NME7: variants seen among roughly 807,000 people sequenced by gnomAD.
NME7 encodes the protein nucleoside diphosphate kinase 7.
In NME7, 41 loss-of-function variants were observed where a neutral mutation model predicts 49.1. The ratio of observed to expected loss-of-function variants is 0.83; its 90% confidence interval spans 0.65 to 1.08. NME7 has a LOEUF of 1.08. Ranked by LOEUF, NME7 falls within the 50% of genes least tolerant of loss-of-function variation. The pLI, the probability that NME7 is intolerant of heterozygous loss-of-function variation, is 0.00. For synonymous variants in NME7, 139 were observed against 150.6 expected (o/e 0.92, Z 0.56); for missense variants, 423 against 463.4 (o/e 0.91, Z 0.80).
intron 11 of NME7, among the ~76,000 whole-genome samples, chr1:169,166,954 A>C (rs1659431514): frequency 6.6e-6 from 1 of 152,240 alleles, no homozygotes; most frequent in African/African-American, 2.4e-5. Flanking sequence ...CCTGGGCGAC[A>C]GAGTGAGACT....
chr1:169,138,140 G>A (rs775819920), intron 11 of NME7, among the ~76,000 whole-genome samples: 3 of 151,766 alleles, frequency 2.0e-5, no homozygotes, highest in East Asian at 3.9e-4. Flanking sequence ...GCGAAACCTC[G>A]TTTCTACTAA....
chr1:169,271,247 T>C (rs1649481723), intron 7 of NME7, among the ~76,000 whole-genome samples: 1 of 133,328 alleles, frequency 7.5e-6, no homozygotes, highest in Non-Finnish European at 1.8e-5. Flanking sequence ...TGACTACTAC[T>C]TGTGCCAAGA....
At position 169,254,814 on chromosome 1, in the gene NME7, G is replaced by A. The variant is rs1318355161; in HGVS notation, c.755-17127C>T. On this transcript the variant is annotated intron_variant, in intron 7 of 11. Transcript: ENST00000367811. Reference sequence around the variant, plus strand: ...ACATCTTTATTTCTGCCTTCATTTCGCTATGTACCCAGTAGTCATTCAGGA... The same window carrying A: ...ACATCTTTATTTCTGCCTTCATTTCACTATGTACCCAGTAGTCATTCAGGA... 1.5e-5 allele frequency among the ~76,000 whole-genome samples: 2 copies of A among 133,236 alleles called. 1 individual carries two copies. The highest frequency in any genetic ancestry group is 5.2e-5 in the African/African-American group (2 of 38,548). The allele number at this position is 133,236 out of a possible 152,430, so 87.4% of individuals were successfully genotyped here.
chr1:169,268,336 TG>T lies in NME7; in HGVS notation c.754+18966del, dbSNP rs2101870987. Among the ~76,000 whole-genome samples the T allele has an allele frequency of 1.5e-5, 2 of 133,608 alleles. 1 individual carries two copies. The highest frequency in any genetic ancestry group is 3.5e-5 in the Non-Finnish European group (2 of 56,768). 87.7% of individuals were successfully genotyped at this position (133,608 alleles called of 152,430 possible). ...GAAAAAGGAACACTTATATACCTGT[TG>T]GGGGAAGTGTAAATTAGTTCAGCTA... On this transcript the variant is annotated intron_variant, in intron 7 of 11. Coordinates refer to ENST00000367811, the MANE Select transcript of NME7 (RefSeq NM_013330.5).
At chr1:169,232,912 C>CTTTTTTT (rs10545228) in intron 9 of NME7, among the ~76,000 whole-genome samples, 32 of 74,528 alleles carry the variant, frequency 4.3e-4, no homozygotes, top group East Asian at 1.3e-3. Flanking sequence ...GTTTTCTTTT[C>CTTTTTTT]TTTTTTTTTT....
rs572584396 is a variant in NME7, at chr1:169,252,709, T to C, written c.755-15022A>G. 5.2e-3 allele frequency among the ~76,000 whole-genome samples: 778 copies of C among 150,874 alleles called. 10 individuals are homozygous for C. The highest frequency in any genetic ancestry group is 0.014 in the Middle Eastern group (4 of 290). On this transcript the variant is annotated intron_variant, in intron 7 of 11. Transcript: ENST00000367811. ...TATGGTTTTAGGTCTAACGTTTAAGTCTTTAATCCATCTTGAATTGATTTT... is the reference window on the plus strand; with the variant it reads ...TATGGTTTTAGGTCTAACGTTTAAGCCTTTAATCCATCTTGAATTGATTTT...
At chr1:169,288,997 A>G (rs1262947424) in intron 6 of NME7, among the ~76,000 whole-genome samples, 1 of 149,792 alleles carries the variant, frequency 6.7e-6, no homozygotes, top group Non-Finnish European at 1.5e-5. Flanking sequence ...CTTCACAACA[A>G]AATTCAAAAG....
rs116473357 is a variant in NME7, at chr1:169,132,726, G to C, written c.*59C>G. On this transcript the variant is annotated 3_prime_UTR_variant, in exon 12 of 12. Transcript: ENST00000367811. The stretch of plus-strand genomic sequence containing the variant: ...CAATAAAAGAATGAACACATTCCTC[G>C]TGTGTGATTCACTCTTGTCTAAATG... 2.0e-6 allele frequency: 3 copies of C among 1,480,060 alleles called. No individual in the cohort carries two copies. Among genetic ancestry groups the C allele is most frequent in the African/African-American group, 2.8e-5 (2 of 71,986 alleles). The allele number at this position is 1,480,060 out of a possible 1,614,324, so 91.7% of individuals were successfully genotyped here. A position where few individuals can be genotyped will look rare whatever the true frequency, so the allele number is the denominator to read the frequency against.
chr1:169,191,447 C>T (rs976149783), intron 10 of NME7, among the ~76,000 whole-genome samples: 5 of 152,112 alleles, frequency 3.3e-5, no homozygotes, highest in African/African-American at 7.2e-5. Flanking sequence ...AAATGTGATA[C>T]CTATAGAATC....
chr1:169,138,329 TAAAAA>T (rs574746696), intron 11 of NME7, among the ~76,000 whole-genome samples: 1 of 150,584 alleles, frequency 6.6e-6, no homozygotes, highest in African/African-American at 2.4e-5. Flanking sequence ...TAAATAAAAA[TAAAAA>T]AAAGACTAAA....
intron 10 of NME7, among the ~76,000 whole-genome samples, chr1:169,178,523 G>T (rs1382320689): frequency 6.6e-6 from 1 of 152,062 alleles, no homozygotes; most frequent in Non-Finnish European, 1.5e-5. Flanking sequence ...AATAGCTCCA[G>T]TGGCAACTCC....
chr1:169,228,731 A>AAACAG lies in NME7; in HGVS notation c.990+1982_990+1986dup, dbSNP rs1365158199. Among the ~76,000 whole-genome samples, 3 of 152,024 alleles carry AAACAG rather than the reference A, an allele frequency of 2.0e-5. No homozygotes were observed. The East Asian group carries it at 5.8e-4, about 29-fold the overall frequency. ...AGTACAAAAACCCCTCTTGCCCATC[A>AAACAG]AACAGAAATCAGAAATTTAAAATGT... On this transcript the variant is annotated intron_variant, in intron 10 of 11. Transcript: ENST00000367811.
intron 10 of NME7, among the ~76,000 whole-genome samples, chr1:169,179,592 A>G (rs185760486): frequency 2.0e-5 from 3 of 152,350 alleles, no homozygotes; most frequent in Admixed American, 2.0e-4. Context: ...GATAAAGAAA[A>G]TGTACATATA....
chr1:169,365,918 T>C (rs1409639985), intron 1 of NME7, among the ~76,000 whole-genome samples: 4 of 152,200 alleles, frequency 2.6e-5, no homozygotes. Context: ...AGTAGTAGCA[T>C]TATTTAACTT....
rs979329470 is a variant in NME7 at position 169,315,592 on chromosome 1, A to T, written c.279-5512T>A. Among the ~76,000 whole-genome samples, 19 of 152,258 alleles carry T rather than the reference A, an allele frequency of 1.2e-4. No homozygotes were observed. The South Asian group carries it at 3.3e-3, about 27-fold the overall frequency. On this transcript the variant is annotated intron_variant, in intron 3 of 11. Coordinates refer to ENST00000367811, the MANE Select transcript of NME7 (RefSeq NM_013330.5). ...AAACATTCTTTTCTAACACACATAG[A>T]TCATTAATAATTGACTATTCTAAGC...
rs150975177 is a variant in NME7, at chr1:169,199,450, TTTATTATTATTA to T, written c.991-29908_991-29897del. Among the ~76,000 whole-genome samples, 1,008 of 111,556 alleles carry T rather than the reference TTTATTATTATTA, an allele frequency of 9.0e-3. 12 individuals carry two copies. The highest frequency in any genetic ancestry group is 0.03 in the African/African-American group (889 of 29,918). The allele number at this position is 111,556 out of a possible 152,430, so 73.2% of individuals were successfully genotyped here. On this transcript the variant is annotated intron_variant, in intron 10 of 11. Coordinates refer to ENST00000367811, the MANE Select transcript of NME7 (RefSeq NM_013330.5). ...ATAGATAACAGAACCCAGGGTCTTTTTTATTATTATTATTATTATTATTATTATTATTATTAT... is the reference window on the plus strand; with the variant it reads ...ATAGATAACAGAACCCAGGGTCTTTTTTATTATTATTATTATTATTATTAT...
intron 7 of NME7, among the ~76,000 whole-genome samples, chr1:169,249,720 C>T (rs1648480890): frequency 1.3e-5 from 2 of 152,042 alleles, no homozygotes; most frequent in South Asian, 4.1e-4. Context: ...GCTTTTTCTG[C>T]ATCTATTCAG....
chr1:169,355,173 TAATATA>T (rs1653383242), intron 1 of NME7, among the ~76,000 whole-genome samples: 1 of 44,258 alleles, frequency 2.3e-5, no homozygotes, highest in African/African-American at 8.8e-5. Flanking sequence ...ATATAATATA[TAATATA>T]CTATATATTA....
intron 1 of NME7, among the ~76,000 whole-genome samples, chr1:169,357,563 C>G (rs1319099763): frequency 6.6e-6 from 1 of 152,024 alleles, no homozygotes; most frequent in Admixed American, 6.6e-5. Context: ...TGCATAAAAA[C>G]TTGAACATTT....
Sources: gnomAD v4.1 joint callset for allele counts (sites outside exome capture counted in the v4.1 genomes callset) on GRCh38, gnomAD v4.1.1 for gene constraint, MANE v1.5 for transcripts, NCBI Gene and HGNC (gene_info 2026-07-23, HGNC 2026-07-21) for gene names.